Variants in GGNBP2 observed in about 807,000 individuals in gnomAD.
GGNBP2 encodes the protein gametogenetin binding protein 2, also known as gametogenetin-binding protein 2.
GGNBP2 carries 10 observed loss-of-function variants against 85.9 expected under a neutral mutation model. The ratio of observed to expected loss-of-function variants is 0.12; its 90% confidence interval spans 0.07 to 0.20. The LOEUF (loss-of-function observed/expected upper bound fraction) is 0.20. GGNBP2 is among the 10% of genes least tolerant of loss of function. The pLI, the probability that GGNBP2 is intolerant of heterozygous loss-of-function variation, is 1.00. For synonymous variants in GGNBP2, 287 were observed against 285.7 expected, an observed-to-expected ratio of 1.00 and a Z score of -0.05; for missense variants, 595 against 857.8, an observed-to-expected ratio of 0.69 and a Z score of 3.83.
chr17:36,557,677 A>G (rs985373786), intron 4 of GGNBP2, among the ~76,000 whole-genome samples: 5 of 152,172 alleles, frequency 3.3e-5, no homozygotes, highest in African/African-American at 1.2e-4. Context: ...AATCTTGTAG[A>G]AAACTGGGGG....
At chr17:36,553,807 T>G (rs1385500034) in intron 2 of GGNBP2, among the ~76,000 whole-genome samples, 1 of 152,190 alleles carries the variant, frequency 6.6e-6, no homozygotes, top group Non-Finnish European at 1.5e-5. Context: ...TGATGACATC[T>G]TATAGTAAAA....
Position 36,545,624 on chromosome 17 carries a change from A to G in GGNBP2, c.-101A>G, listed in dbSNP as rs2074244222. 1 of 877,544 alleles carries G rather than the reference A, an allele frequency of 1.1e-6. No individual in the cohort carries two copies. The allele number at this position is 877,544 out of a possible 1,614,324, so 54.4% of individuals were successfully genotyped here. ...GCGGGGTTTGGCTGTTGCAGGCAGG[A>G]GCTGGGAGGAGGCGGCAGCGGCGGC... On this transcript the variant is annotated 5_prime_UTR_variant, in exon 2 of 14. Transcript: ENST00000613102.
Position 36,586,954 on chromosome 17 carries a change from T to C in GGNBP2, c.1642-43T>C. ...TTTTTTTAAAGAATAATTGCTATTA[T>C]ATCATGCCTTTTTACCTGTGAAATC... On this transcript the variant is annotated intron_variant, in intron 12 of 13. Coordinates refer to ENST00000613102, the MANE Select transcript of GGNBP2 (RefSeq NM_024835.5). 1.3e-6 allele frequency: 2 copies of C among 1,505,902 alleles called. 1 individual carries two copies. Among genetic ancestry groups the C allele is most frequent in the Middle Eastern group, 3.5e-4 (2 of 5,758 alleles). The allele number at this position is 1,505,902 out of a possible 1,614,324, so 93.3% of individuals were successfully genotyped here.
chr17:36,549,750 A>C (rs2076111676), intron 2 of GGNBP2, among the ~76,000 whole-genome samples: 1 of 152,004 alleles, frequency 6.6e-6, no homozygotes, highest in South Asian at 2.1e-4. Context: ...TTCTGTAATT[A>C]TTTTTCCACT....
chr17:36,568,497 A>G (rs1555606252), intron 6 of GGNBP2, among the ~76,000 whole-genome samples: 1 of 151,766 alleles, frequency 6.6e-6, no homozygotes, highest in Non-Finnish European at 1.5e-5. Flanking sequence ...GGGCTTCGCC[A>G]TGTTGTTCAG....
chr17:36,545,598 C>T (rs980378273), intron 1 of GGNBP2, 21 bp from the exon 2 acceptor site: 26 of 694,334 alleles, frequency 3.7e-5, no homozygotes, highest in Non-Finnish European at 4.7e-5. Flanking sequence ...TGCTTACGCT[C>T]GCGGGGTTTG....
At chr17:36,585,574 C>T (rs2074693085) in intron 10 of GGNBP2, 124 bp downstream of exon 10, 3 of 712,972 alleles carry the variant, frequency 4.2e-6, no homozygotes, top group Non-Finnish European at 6.8e-6. Flanking sequence ...CCAAGAATAT[C>T]ATATAATTTA....
At chr17:36,565,418 T>C (rs558206435) in intron 5 of GGNBP2, among the ~76,000 whole-genome samples, 26 of 152,176 alleles carry the variant, frequency 1.7e-4, no homozygotes, top group Admixed American at 4.6e-4. Context: ...ATAAATAAAA[T>C]CCTGATTTGA....
intron 6 of GGNBP2, among the ~76,000 whole-genome samples, chr17:36,575,652 T>A (rs1401054328): frequency 0.011 from 1,051 of 91,854 alleles, 4 homozygotes; most frequent in Non-Finnish European, 0.016. Context: ...ATATATATTT[T>A]TTTTTTTTTT....
At chr17:36,584,059 G>T (rs999845130) in intron 9 of GGNBP2, among the ~76,000 whole-genome samples, 2 of 152,224 alleles carry the variant, frequency 1.3e-5, no homozygotes, top group African/African-American at 4.8e-5. Context: ...AGCACTGCTG[G>T]TTGCAAGGCC....
intron 2 of GGNBP2, among the ~76,000 whole-genome samples, chr17:36,549,971 T>C (rs1341341521): frequency 2.6e-5 from 4 of 151,308 alleles, no homozygotes; most frequent in Non-Finnish European, 5.9e-5. Flanking sequence ...GGAGTCTCAC[T>C]GTGTCACCTA....
Position 36,587,243 on chromosome 17 carries a change from C to A in GGNBP2, c.1888C>A (p.Leu630Ile). The change falls in exon 13 of 14, where the codon CTT becomes ATT. Residue 630 changes from leucine to isoleucine, a missense_variant and splice_region_variant. Transcript: ENST00000613102. ...AGGTGCCAAGAGCTTAGTTGAACTC[C>A]TTGTAAGTATTCCATGTGGTCTTAC... ...GKGAKSLVEL[L>I]DESECTSDEE... 6.2e-7 allele frequency: 1 copy of A among 1,614,002 alleles called. No homozygotes were observed. Among genetic ancestry groups the A allele is most frequent in the Non-Finnish European group, 8.5e-7 (1 of 1,179,926 alleles).
At chr17:36,572,379 C>T (rs538824194) in intron 6 of GGNBP2, among the ~76,000 whole-genome samples, 7 of 152,036 alleles carry the variant, frequency 4.6e-5, no homozygotes, top group Admixed American at 6.6e-5. Flanking sequence ...TGTTCCTGCG[C>T]GCGTATGTGT....
intron 9 of GGNBP2, among the ~76,000 whole-genome samples, chr17:36,583,101 T>A (rs529209825): frequency 6.6e-6 from 1 of 152,196 alleles, no homozygotes; most frequent in African/African-American, 2.4e-5. Context: ...GTTGCCAGGC[T>A]GGAGTGCAGT....
In GGNBP2 at chr17:36,579,464, G is replaced by A. The variant is rs200300703; in HGVS notation, c.1020+45G>A. On this transcript the variant is annotated intron_variant, in intron 8 of 13. Coordinates refer to ENST00000613102, the MANE Select transcript of GGNBP2 (RefSeq NM_024835.5). ...CCAGTATCTCAGATTGCTTAGTCACGTTATTGGACTGAATCTTAATGTAAG... is the reference window on the plus strand; with the variant it reads ...CCAGTATCTCAGATTGCTTAGTCACATTATTGGACTGAATCTTAATGTAAG... The A allele has an allele frequency of 4.4e-3, 6,735 of 1,532,154 alleles. 22 individuals are homozygous for A. The highest frequency in any genetic ancestry group is 5.5e-3 in the Non-Finnish European group (6,129 of 1,107,934). 94.9% of individuals were successfully genotyped at this position (1,532,154 alleles called of 1,614,324 possible).
At chr17:36,574,288 A>T (rs1279181684) in intron 6 of GGNBP2, among the ~76,000 whole-genome samples, 1 of 152,214 alleles carries the variant, frequency 6.6e-6, no homozygotes, top group Non-Finnish European at 1.5e-5. Context: ...AAAAATATAA[A>T]TAAAAATATG....
intron 6 of GGNBP2, chr17:36,576,591 ATATATGTGTG>A (rs1284960293): frequency 2.0e-5 from 1 of 49,182 alleles, no homozygotes. Flanking sequence ...AAAAATATAT[ATATATGTGTG>A]TGTGTGTGTG....
chr17:36,554,211 A>G (rs2074337929), intron 2 of GGNBP2, among the ~76,000 whole-genome samples: 1 of 147,918 alleles, frequency 6.8e-6, no homozygotes, highest in Non-Finnish European at 1.5e-5. Flanking sequence ...CGCGAGGCTG[A>G]GGCAGGAGAA....
intron 8 of GGNBP2, 114 bp from the exon 9 acceptor site, chr17:36,581,230 A>G (rs2074646452): frequency 4.5e-6 from 3 of 667,348 alleles, no homozygotes; most frequent in Non-Finnish European, 7.7e-6. Context: ...GCTTGCAGTG[A>G]GCTGAGATCA....
Sources: gnomAD v4.1 joint callset for allele counts (sites outside exome capture counted in the v4.1 genomes callset) on GRCh38, gnomAD v4.1.1 for gene constraint, MANE v1.5 for transcripts, NCBI Gene and HGNC (gene_info 2026-07-23, HGNC 2026-07-21) for gene names.